Variants in KCNIP4 observed in about 807,000 individuals in gnomAD.
KCNIP4 encodes the protein Kv channel-interacting protein 4.
KCNIP4 carries 12 observed loss-of-function variants against 34.0 expected under a neutral mutation model. The observed-to-expected ratio is 0.35, with a 90% CI of 0.23 to 0.57. KCNIP4 has a LOEUF of 0.57. Ranked by LOEUF, KCNIP4 falls within the 20% of genes least tolerant of loss-of-function variation. KCNIP4 has a pLI of 0.83. For missense variants in KCNIP4, 238 were observed against 311.7 expected (o/e 0.76, Z 1.78); for synonymous variants, 124 against 102.2 (o/e 1.21, Z -1.29).
At chr4:21,042,708 A>T (rs1222447571) in intron 1 of KCNIP4, among the ~76,000 whole-genome samples, 2 of 152,170 alleles carry the variant, frequency 1.3e-5, no homozygotes, top group African/African-American at 4.8e-5. Flanking sequence ...TCACGAAGAA[A>T]TGATATATGA....
At chr4:21,130,596 G>A (rs1232124203) in intron 1 of KCNIP4, among the ~76,000 whole-genome samples, 2 of 152,158 alleles carry the variant, frequency 1.3e-5, no homozygotes, top group African/African-American at 4.8e-5. Context: ...GCCTAGAATT[G>A]TCCATGTAGG....
intron 3 of KCNIP4, among the ~76,000 whole-genome samples, chr4:20,790,823 C>T (rs1025081616): frequency 1.3e-5 from 2 of 152,004 alleles, no homozygotes; most frequent in South Asian, 4.1e-4. Context: ...ACCTACAGAC[C>T]TTGACAAGTT....
At chr4:21,282,941 C>T (rs371386165) in intron 1 of KCNIP4, among the ~76,000 whole-genome samples, 255 of 152,228 alleles carry the variant, frequency 1.7e-3, no homozygotes, top group African/African-American at 5.6e-3. Flanking sequence ...CCCAAATCTC[C>T]GTCAACTGCT....
chr4:21,482,633 A>G (rs1731533538), intron 1 of KCNIP4, among the ~76,000 whole-genome samples: 1 of 152,132 alleles, frequency 6.6e-6, no homozygotes. Context: ...AATGTTGAAT[A>G]TTGGCCCCCA....
intron 1 of KCNIP4, among the ~76,000 whole-genome samples, chr4:21,800,996 G>C (rs994257769): frequency 2.6e-5 from 4 of 152,124 alleles, no homozygotes; most frequent in African/African-American, 9.7e-5. Flanking sequence ...CATTCTCCGA[G>C]TCAGAAACTT....
At chr4:21,056,318 T>C (rs1743395312) in intron 1 of KCNIP4, among the ~76,000 whole-genome samples, 1 of 152,158 alleles carries the variant, frequency 6.6e-6, no homozygotes, top group South Asian at 2.1e-4. Context: ...TAAAATCCTC[T>C]CAGTTTACAA....
Position 21,770,893 on chromosome 4 carries a change from TG to T in KCNIP4, c.61+177677del, listed in dbSNP as rs566323924. Among the ~76,000 whole-genome samples the T allele has an allele frequency of 7.2e-5, 11 of 152,314 alleles. No homozygotes were observed. In the East Asian group the frequency reaches 2.1e-3, roughly 29 times the overall value. ...AAAAATTTTCTCCCATTCTGTAGGCTGCCTGTTCCCTCTGATGATAGTTTCT... is the reference window on the plus strand; with the variant it reads ...AAAAATTTTCTCCCATTCTGTAGGCTCCTGTTCCCTCTGATGATAGTTTCT... On this transcript the variant is annotated intron_variant, in intron 1 of 8. Transcript: ENST00000382152.
chr4:20,857,768 A>G (rs555552252), intron 2 of KCNIP4, among the ~76,000 whole-genome samples: 1 of 152,242 alleles, frequency 6.6e-6, no homozygotes, highest in South Asian at 2.1e-4. Context: ...AGAAAAGTTA[A>G]CTGTATTCAT....
At chr4:20,824,779 G>A (rs1205350832) in intron 3 of KCNIP4, among the ~76,000 whole-genome samples, 2 of 151,900 alleles carry the variant, frequency 1.3e-5, no homozygotes, top group African/African-American at 2.4e-5. Context: ...TTCAGAATAG[G>A]TAACATTAAA....
At chr4:21,938,010 T>C (rs1487439457) in intron 1 of KCNIP4, among the ~76,000 whole-genome samples, 2 of 152,138 alleles carry the variant, frequency 1.3e-5, no homozygotes, top group Non-Finnish European at 2.9e-5. Flanking sequence ...TCCCATCTCA[T>C]AGTTTTCTTC....
intron 1 of KCNIP4, among the ~76,000 whole-genome samples, chr4:21,088,911 A>G (rs1265043619): frequency 6.6e-6 from 1 of 152,114 alleles, no homozygotes; most frequent in African/African-American, 2.4e-5. Context: ...TTCTCTTACC[A>G]CTGTATATAC....
chr4:21,672,073 T>C (rs1167883119), intron 1 of KCNIP4, among the ~76,000 whole-genome samples: 1 of 152,174 alleles, frequency 6.6e-6, no homozygotes, highest in Admixed American at 6.5e-5. Context: ...AGATCATATT[T>C]AAGATACTGG....
At chr4:21,911,732 G>C (rs2108983353) in intron 1 of KCNIP4, among the ~76,000 whole-genome samples, 1 of 151,364 alleles carries the variant, frequency 6.6e-6, no homozygotes, top group East Asian at 2.0e-4. Flanking sequence ...TTAGTACTTG[G>C]TGCTTGGTCC....
intron 1 of KCNIP4, among the ~76,000 whole-genome samples, chr4:21,770,113 T>TC (rs1301346492): frequency 1.3e-5 from 2 of 152,004 alleles, no homozygotes; most frequent in African/African-American, 4.8e-5. Context: ...TTAAGTTCCC[T>TC]CCCCTCACCC....
intron 1 of KCNIP4, among the ~76,000 whole-genome samples, chr4:21,050,801 G>A (rs1299901703): frequency 6.6e-6 from 1 of 152,194 alleles, no homozygotes; most frequent in African/African-American, 2.4e-5. Flanking sequence ...GATAGATCGA[G>A]TAGTTGGAGA....
intron 5 of KCNIP4, among the ~76,000 whole-genome samples, chr4:20,735,526 T>A (rs1387488359): frequency 1.6e-5 from 2 of 123,944 alleles, no homozygotes. Flanking sequence ...GTGTTTTTTT[T>A]TTTGTTTTTT....
intron 1 of KCNIP4, among the ~76,000 whole-genome samples, chr4:21,462,765 TTGTG>T (rs57124779): frequency 0.054 from 7,799 of 145,628 alleles, 293 homozygotes; most frequent in East Asian, 0.12. Context: ...TAGTATTCCA[TTGTG>T]TGTGTGTGTG....
In KCNIP4 at chr4:21,566,012, TGAGCAAGCAAA is replaced by T. The variant is rs550422680; in HGVS notation, c.61+382548_61+382558del. ...ATAGTATCTGATAAGCAGGGAAGCATGAGCAAGCAAAGAACTGTAGGGAAACTAATGGGAGA... is the reference window on the plus strand; with the variant it reads ...ATAGTATCTGATAAGCAGGGAAGCATGAACTGTAGGGAAACTAATGGGAGA... On this transcript the variant is annotated intron_variant, in intron 1 of 8. Transcript: ENST00000382152. Among the ~76,000 whole-genome samples the T allele has an allele frequency of 1.4e-4, 21 of 152,120 alleles. No individual in the cohort carries two copies. The South Asian group carries it at 4.4e-3, about 32-fold the overall frequency.
At chr4:21,814,492 G>A (rs953659923) in intron 1 of KCNIP4, among the ~76,000 whole-genome samples, 12 of 152,196 alleles carry the variant, frequency 7.9e-5, no homozygotes, top group South Asian at 2.1e-4. Flanking sequence ...CACGTAAGAC[G>A]TCCCTTGATC....
Sources: gnomAD v4.1 joint callset for allele counts (sites outside exome capture counted in the v4.1 genomes callset) on GRCh38, gnomAD v4.1.1 for gene constraint, MANE v1.5 for transcripts, NCBI Gene and HGNC (gene_info 2026-07-23, HGNC 2026-07-21) for gene names.